EYS: variants seen among roughly 807,000 people sequenced by gnomAD.
The protein encoded by EYS is EGF-like photoreceptor maintenance factor.
Under a neutral mutation model 282.1 loss-of-function variants are expected in EYS, and 250 were observed. That is an observed-to-expected ratio of 0.89 (90% CI 0.80 to 0.98). The LOEUF (loss-of-function observed/expected upper bound fraction) is 0.98. Ranked by LOEUF, EYS falls within the 50% of genes least tolerant of loss-of-function variation. The probability of loss-of-function intolerance (pLI) is 0.00; values close to 1 mark genes in which losing one functional copy is unlikely to be tolerated. For missense variants in EYS, 4,016 were observed against 3,709.0 expected (o/e 1.08, Z -2.15); for synonymous variants, 1,355 against 1,282.9 (o/e 1.06, Z -1.20).
chr6:65,003,297 A>T lies in EYS; in HGVS notation c.2138-5594T>A, dbSNP rs1771527364. 1.4e-5 allele frequency among the ~76,000 whole-genome samples: 2 copies of T among 147,382 alleles called. 1 individual carries two copies. Among genetic ancestry groups the T allele is most frequent in the Admixed American group, 1.4e-4 (2 of 14,796 alleles). The stretch of plus-strand genomic sequence containing the variant: ...CTTATGGTTGAGACTGCAGGCGTGA[A>T]ATAGACCCCAGTCTCCCACAGCACT... On this transcript the variant is annotated intron_variant, in intron 13 of 42. Coordinates refer to ENST00000503581, the MANE Select transcript of EYS (RefSeq NM_001142800.2).
At chr6:64,338,024 T>C (rs927100504) in intron 29 of EYS, among the ~76,000 whole-genome samples, 6 of 151,976 alleles carry the variant, frequency 3.9e-5, no homozygotes, top group African/African-American at 1.4e-4. Context: ...GTCAACATAA[T>C]ACTGGATGGG....
chr6:64,214,526 T>C (rs896786809), intron 31 of EYS, among the ~76,000 whole-genome samples: 12 of 152,108 alleles, frequency 7.9e-5, no homozygotes, highest in Admixed American at 3.9e-4. Context: ...TAGGAAGAAA[T>C]ATATGCAATT....
At chr6:64,994,617 T>C (rs1286158929) in intron 14 of EYS, among the ~76,000 whole-genome samples, 4 of 152,268 alleles carry the variant, frequency 2.6e-5, no homozygotes, top group African/African-American at 9.6e-5. Context: ...AATTTTCTCT[T>C]CCACTTCAAA....
intron 36 of EYS, among the ~76,000 whole-genome samples, chr6:63,815,069 C>T (rs1303105827): frequency 2.6e-5 from 4 of 152,058 alleles, no homozygotes; most frequent in Admixed American, 1.3e-4. Flanking sequence ...AGTGGGTTAT[C>T]GCTCAAGTTC....
chr6:65,178,302 A>C (rs1351817446), intron 12 of EYS, among the ~76,000 whole-genome samples: 1 of 151,862 alleles, frequency 6.6e-6, no homozygotes, highest in African/African-American at 2.4e-5. Context: ...TTCTCTAATA[A>C]ATCTGTCTTT....
At chr6:65,655,842 A>C (rs1767803131) in intron 1 of EYS, among the ~76,000 whole-genome samples, 1 of 151,816 alleles carries the variant, frequency 6.6e-6, no homozygotes, top group Admixed American at 6.6e-5. Context: ...ACAATGTTGA[A>C]ATAACAGGGA....
intron 22 of EYS, among the ~76,000 whole-genome samples, chr6:64,753,845 T>C (rs1261496007): frequency 3.3e-5 from 5 of 152,054 alleles, no homozygotes; most frequent in Non-Finnish European, 5.9e-5. Context: ...AGAGACACCA[T>C]ATTTTAGGCC....
chr6:64,170,154 C>T (rs539591843), intron 31 of EYS, among the ~76,000 whole-genome samples: 1 of 152,216 alleles, frequency 6.6e-6, no homozygotes, highest in Admixed American at 6.5e-5. Flanking sequence ...GTTTGCTTTT[C>T]CGCATTGTCC....
At chr6:64,893,547 ATTACT>A (rs148241083) in intron 18 of EYS, among the ~76,000 whole-genome samples, 1,686 of 152,154 alleles carry the variant, frequency 0.011, 33 homozygotes, top group African/African-American at 0.038. Context: ...AAAAATAAAA[ATTACT>A]TTAAGAAGAG....
intron 12 of EYS, among the ~76,000 whole-genome samples, chr6:65,061,873 T>C (rs1561946405): frequency 1.3e-5 from 2 of 151,972 alleles, no homozygotes; most frequent in African/African-American, 4.8e-5. Context: ...GTTTCATGCA[T>C]AGTATCTCAA....
chr6:64,573,626 A>G (rs1765792059), intron 26 of EYS, among the ~76,000 whole-genome samples: 1 of 152,200 alleles, frequency 6.6e-6, no homozygotes, highest in African/African-American at 2.4e-5. Context: ...ATATGAGCAG[A>G]CACTTCTCAA....
chr6:65,423,388 T>C (rs10944796), intron 5 of EYS, among the ~76,000 whole-genome samples: 41,543 of 151,838 alleles, frequency 0.27, 5,881 homozygotes, highest in Middle Eastern at 0.34. Context: ...ATGTGTGTGA[T>C]GGGCAGATGT....
intron 30 of EYS, among the ~76,000 whole-genome samples, chr6:64,303,847 A>C (rs1375616453): frequency 2.0e-5 from 3 of 151,226 alleles, no homozygotes; most frequent in African/African-American, 7.3e-5. Context: ...TCTCAAAAAA[A>C]AAAAAAAAAA....
chr6:65,699,013 C>G (rs1390607421), intron 1 of EYS, among the ~76,000 whole-genome samples: 1 of 152,148 alleles, frequency 6.6e-6, no homozygotes. Context: ...ACATTTGATT[C>G]AGCACGAGCT....
At chr6:65,410,216 AC>A in intron 5 of EYS, among the ~76,000 whole-genome samples, 1 of 152,202 alleles carries the variant, frequency 6.6e-6, no homozygotes, top group African/African-American at 2.4e-5. Context: ...AATTCTTAAA[AC>A]AAAACCTGAA....
rs1465919105 is a variant in EYS at position 64,191,983 on chromosome 6, A to G, written c.6424+38609T>C. Among the ~76,000 whole-genome samples, 3 of 145,630 alleles carry G rather than the reference A, an allele frequency of 2.1e-5. No individual in the cohort carries two copies. The East Asian group carries it at 6.3e-4, about 30-fold the overall frequency. ...GTTCCTATTTCTCCACATCCTCTCCAGCACCTGTTGTTTCCTGACTTTTTA... is the reference window on the plus strand; with the variant it reads ...GTTCCTATTTCTCCACATCCTCTCCGGCACCTGTTGTTTCCTGACTTTTTA... On this transcript the variant is annotated intron_variant, in intron 31 of 42. Transcript: ENST00000503581.
chr6:64,991,698 C>G (rs1771070913), intron 14 of EYS, among the ~76,000 whole-genome samples: 1 of 151,604 alleles, frequency 6.6e-6, no homozygotes, highest in Non-Finnish European at 1.5e-5. Context: ...AATAAATAGA[C>G]TTTATTCTGC....
chr6:64,533,484 CA>C (rs1317411897), intron 26 of EYS, among the ~76,000 whole-genome samples: 1 of 151,888 alleles, frequency 6.6e-6, no homozygotes, highest in African/African-American at 2.4e-5. Flanking sequence ...ATCATGACAT[CA>C]ATGATAAGAA....
intron 8 of EYS, among the ~76,000 whole-genome samples, chr6:65,373,298 C>A (rs778520907): frequency 6.6e-6 from 1 of 152,080 alleles, no homozygotes; most frequent in Admixed American, 6.6e-5. Flanking sequence ...ATGTTTCCAT[C>A]AAACCAAATC....
Sources: allele counts gnomAD v4.1 joint callset (sites outside exome capture counted in the v4.1 genomes callset), GRCh38; gene constraint gnomAD v4.1.1; transcripts MANE v1.5; gene names NCBI Gene and HGNC (gene_info 2026-07-23, HGNC 2026-07-21).